PRIM2: variants seen among roughly 807,000 people sequenced by gnomAD.
The protein encoded by PRIM2 is DNA primase large subunit.
PRIM2 carries 39 observed loss-of-function variants against 67.3 expected under a neutral mutation model. The ratio of observed to expected loss-of-function variants is 0.58; its 90% CI spans 0.45 to 0.76. The LOEUF is 0.76. PRIM2 is among the 30% of genes least tolerant of loss of function. The pLI is 0.00. For missense variants in PRIM2, 398 were observed against 598.7 expected, an observed-to-expected ratio of 0.66 and a Z score of 3.50; for synonymous variants, 143 against 198.7, an observed-to-expected ratio of 0.72 and a Z score of 2.36.
intron 10 of PRIM2, among the ~76,000 whole-genome samples, chr6:57,598,216 G>C (rs1776402421): frequency 6.6e-6 from 1 of 152,138 alleles, no homozygotes; most frequent in African/African-American, 2.4e-5. Flanking sequence ...TTCTGTTTGT[G>C]CCAGCCTTGA....
At chr6:57,282,911 A>G in the PRIM2 span, among the ~76,000 whole-genome samples, 1 of 152,150 alleles carries the variant, frequency 6.6e-6, no homozygotes, top group Non-Finnish European at 1.5e-5. Context: ...TTATAAGCTG[A>G]CTTTCCCAAT....
intron 7 of PRIM2, among the ~76,000 whole-genome samples, chr6:57,474,306 C>G (rs1773417625): frequency 6.9e-6 from 1 of 144,620 alleles, no homozygotes; most frequent in South Asian, 2.2e-4. Flanking sequence ...CTCTGAGTAG[C>G]TGAGACTACA....
intron 7 of PRIM2, among the ~76,000 whole-genome samples, chr6:57,505,771 C>T (rs1175736547): frequency 2.6e-5 from 4 of 152,106 alleles, no homozygotes; most frequent in Non-Finnish European, 5.9e-5. Context: ...ATGGACTTAA[C>T]AGATGTCTAG....
intron 7 of PRIM2, among the ~76,000 whole-genome samples, chr6:57,416,905 A>T (rs1450618553): frequency 1.6e-4 from 25 of 151,788 alleles, no homozygotes; most frequent in African/African-American, 5.8e-4. Flanking sequence ...GTTGTGGTCC[A>T]TCCAGACCAT....
chr6:57,417,071 A>G (rs1771288001), intron 7 of PRIM2, among the ~76,000 whole-genome samples: 3 of 151,880 alleles, frequency 2.0e-5, no homozygotes, highest in South Asian at 4.2e-4. Context: ...GGTTCAAGCA[A>G]TTCTCCTGCC....
At chr6:57,326,191 A>G in intron 5 of PRIM2, 146 bp downstream of exon 5, 1 of 798,084 alleles carries the variant, frequency 1.3e-6, no homozygotes, top group Non-Finnish European at 1.9e-6. Flanking sequence ...TTGGATAACA[A>G]TATATCTTTC....
intron 12 of PRIM2, among the ~76,000 whole-genome samples, chr6:57,614,915 T>G (rs1439649077): frequency 3.3e-5 from 5 of 152,342 alleles, no homozygotes; most frequent in Admixed American, 1.3e-4. Context: ...CATTAATTTC[T>G]TTTCAAAATT....
In PRIM2 at chr6:57,457,267, C is replaced by T. The variant is rs1231044215; in HGVS notation, c.694-50120C>T. Among the ~76,000 whole-genome samples the T allele has an allele frequency of 1.3e-3, 193 of 152,324 alleles. 5 individuals are homozygous for T. In the East Asian group the frequency reaches 0.016, roughly 13 times the overall value. On this transcript the variant is annotated intron_variant, in intron 7 of 13. Coordinates refer to ENST00000615550, the MANE Select transcript of PRIM2 (RefSeq NM_000947.5). ...CACTTGAGTAGGCAGTCTTTCTGTT[C>T]TCAGATCTCCAGCTGCGTGCTGGGA... is the stretch of plus-strand genomic sequence containing the variant.
chr6:57,322,911 G>A (rs1229614880), intron 3 of PRIM2, among the ~76,000 whole-genome samples: 1 of 152,112 alleles, frequency 6.6e-6, no homozygotes, highest in African/African-American at 2.4e-5. Context: ...GGGACAACTG[G>A]TGAAGACTGA....
At chr6:57,547,935 C>A (rs1453429469) in intron 10 of PRIM2, among the ~76,000 whole-genome samples, 100 of 152,178 alleles carry the variant, frequency 6.6e-4, no homozygotes, top group African/African-American at 2.4e-3. Context: ...TTTCAGAGAC[C>A]AGTAGATCTC....
the PRIM2 span, among the ~76,000 whole-genome samples, chr6:57,246,421 T>C: frequency 6.6e-6 from 1 of 152,234 alleles, no homozygotes. Flanking sequence ...TCAGTTTGGC[T>C]CAGTTTTGTT....
chr6:57,291,052 T>A, the PRIM2 span, among the ~76,000 whole-genome samples: 1 of 152,012 alleles, frequency 6.6e-6, no homozygotes. Context: ...AAAAAATCAA[T>A]GAATCCAGGA....
intron 7 of PRIM2, among the ~76,000 whole-genome samples, chr6:57,387,486 C>T (rs1179457374): frequency 4.6e-5 from 7 of 152,074 alleles, no homozygotes; most frequent in African/African-American, 1.7e-4. Flanking sequence ...TGCTGGAGCC[C>T]TGACTTGATC....
intron 5 of PRIM2, among the ~76,000 whole-genome samples, chr6:57,373,494 T>C (rs1018446420): frequency 8.5e-5 from 13 of 152,174 alleles, no homozygotes; most frequent in African/African-American, 3.1e-4. Context: ...TTTGTTTCAA[T>C]TGTTTTTGGT....
At chr6:57,238,471 T>C in the PRIM2 span, among the ~76,000 whole-genome samples, 1 of 152,128 alleles carries the variant, frequency 6.6e-6, no homozygotes, top group Non-Finnish European at 1.5e-5. Context: ...CTACTGGGTA[T>C]ATAATGAAAT....
intron 10 of PRIM2, among the ~76,000 whole-genome samples, chr6:57,582,630 CTT>C (rs1372933301): frequency 6.6e-6 from 1 of 152,032 alleles, no homozygotes; most frequent in African/African-American, 2.4e-5. Flanking sequence ...ATCAGAAACA[CTT>C]TGTTTAACCG....
rs1333130108 is a variant in PRIM2 at position 57,537,655 on chromosome 6, A to G, written c.1020+30A>G. 3.9e-6 allele frequency: 5 copies of G among 1,295,430 alleles called. No individual in the cohort carries two copies. The South Asian group carries it at 6.8e-5, about 18-fold the overall frequency. The allele number at this position is 1,295,430 out of a possible 1,614,324, so 80.2% of individuals were successfully genotyped here. ...TTTTGAAAAAAAATATCAGAGTGGTACCTGATATTTTAATTTGGTCTGAAA... is the reference window on the plus strand; with the variant it reads ...TTTTGAAAAAAAATATCAGAGTGGTGCCTGATATTTTAATTTGGTCTGAAA... On this transcript the variant is annotated intron_variant, in intron 10 of 13. Coordinates refer to ENST00000615550, the MANE Select transcript of PRIM2 (RefSeq NM_000947.5).
chr6:57,520,090 G>T (rs1554348728), intron 8 of PRIM2, among the ~76,000 whole-genome samples: 8 of 152,166 alleles, frequency 5.3e-5, no homozygotes, highest in Admixed American at 5.2e-4. Flanking sequence ...GACTGAAGTG[G>T]CGTATAAGGA....
the PRIM2 span, among the ~76,000 whole-genome samples, chr6:57,257,424 A>C: frequency 6.6e-6 from 1 of 151,964 alleles, no homozygotes; most frequent in Non-Finnish European, 1.5e-5. Flanking sequence ...GGCACCCACC[A>C]CCAAGCCCGG....
Sources: gnomAD v4.1 joint callset for allele counts (sites outside exome capture counted in the v4.1 genomes callset) on GRCh38, gnomAD v4.1.1 for gene constraint, MANE v1.5 for transcripts, NCBI Gene and HGNC (gene_info 2026-07-23, HGNC 2026-07-21) for gene names.